PLCG2: variants seen among roughly 807,000 people sequenced by gnomAD.
The protein encoded by PLCG2 is 1-phosphatidylinositol 4,5-bisphosphate phosphodiesterase gamma-2.
Under a neutral mutation model 175.6 loss-of-function variants are expected in PLCG2, and 69 were observed. The observed-to-expected ratio is 0.39, with a 90% CI of 0.32 to 0.48. The LOEUF (loss-of-function observed/expected upper bound fraction) is 0.48, where lower values mean the gene tolerates loss of function less well. Ranked by LOEUF, PLCG2 falls within the 20% of genes least tolerant of loss-of-function variation. The probability of loss-of-function intolerance (pLI) is 0.91; values close to 1 mark genes in which losing one functional copy is unlikely to be tolerated. For missense variants in PLCG2, 1,798 were observed against 1,650.9 expected, an observed-to-expected ratio of 1.09 and a Z score of -1.54; for synonymous variants, 827 against 624.0, an observed-to-expected ratio of 1.33 and a Z score of -4.85.
chr16:81,855,671 A>C (rs1041277649), intron 3 of PLCG2, among the ~76,000 whole-genome samples: 4 of 152,178 alleles, frequency 2.6e-5, no homozygotes, highest in African/African-American at 9.7e-5. Flanking sequence ...GACCTAGTGC[A>C]AGCATGATAC....
At chr16:81,760,370 C>G (rs965483161) in intron 2 of PLCG2, among the ~76,000 whole-genome samples, 2 of 152,154 alleles carry the variant, frequency 1.3e-5, no homozygotes, top group South Asian at 2.1e-4. Context: ...GTTTCTGCCA[C>G]TACCTTTGCC....
At chr16:81,789,912 A>G (rs552477311) in intron 2 of PLCG2, among the ~76,000 whole-genome samples, 74 of 149,166 alleles carry the variant, frequency 5.0e-4, no homozygotes, top group African/African-American at 1.7e-3. Flanking sequence ...GGCGCTAGAG[A>G]TACAGCAGTT....
chr16:81,959,000 T>A lies in PLCG2; in HGVS notation c.*1002T>A, dbSNP rs1432450988. On this transcript the variant is annotated 3_prime_UTR_variant, in exon 33 of 33. Transcript: ENST00000564138. The stretch of plus-strand genomic sequence containing the variant: ...ATGCAGCCATCTCCCTTGGGGCAGA[T>A]CTACCTAGTTCATGACAGTATGTGC... The A allele has an allele frequency of 4.5e-6, 1 of 223,596 alleles. No individual in the cohort carries two copies. The highest frequency in any genetic ancestry group is 8.9e-6 in the Non-Finnish European group (1 of 112,034). The allele number at this position is 223,596 out of a possible 1,614,324, so 13.9% of individuals were successfully genotyped here.
chr16:81,920,550 G>T (rs1910018259), intron 20 of PLCG2, among the ~76,000 whole-genome samples: 1 of 152,236 alleles, frequency 6.6e-6, no homozygotes, highest in South Asian at 2.1e-4. Flanking sequence ...GGGGAGAAAT[G>T]TGAGCCGAAA....
chr16:81,824,036 TTCCTTTCCTTTCCTGTCCTG>T (rs1238319112), intron 2 of PLCG2, among the ~76,000 whole-genome samples: 21 of 63,190 alleles, frequency 3.3e-4, no homozygotes, highest in East Asian at 7.1e-4. Context: ...TTCCTTTCCT[TTCCTTTCCTTTCCTGTCCTG>T]TCCTGTCCTG....
intron 2 of PLCG2, among the ~76,000 whole-genome samples, chr16:81,796,329 C>G (rs551420176): frequency 6.6e-6 from 1 of 152,358 alleles, no homozygotes; most frequent in South Asian, 2.1e-4. Flanking sequence ...TGCAACCTCC[C>G]AAGGATGGAC....
At chr16:81,811,423 A>G (rs746012875) in intron 2 of PLCG2, among the ~76,000 whole-genome samples, 1 of 152,082 alleles carries the variant, frequency 6.6e-6, no homozygotes, top group African/African-American at 2.4e-5. Flanking sequence ...ACCTGAGAAG[A>G]TGATGGATTC....
At chr16:81,818,195 C>G (rs538077714) in intron 2 of PLCG2, among the ~76,000 whole-genome samples, 13 of 152,232 alleles carry the variant, frequency 8.5e-5, no homozygotes, top group African/African-American at 3.1e-4. Flanking sequence ...CTCTGTGCCT[C>G]AGTTTCCTCA....
chr16:81,793,094 G>A (rs891832014), intron 2 of PLCG2, among the ~76,000 whole-genome samples: 2 of 152,158 alleles, frequency 1.3e-5, no homozygotes, highest in Non-Finnish European at 2.9e-5. Context: ...GACCCCCAAG[G>A]CCTGGCCTCT....
chr16:81,821,757 A>C (rs752910331), intron 2 of PLCG2, among the ~76,000 whole-genome samples: 1 of 152,322 alleles, frequency 6.6e-6, no homozygotes, highest in Admixed American at 6.5e-5. Context: ...TTGCCAAGCA[A>C]CTGGGGGCAG....
chr16:81,936,350 G>C lies in PLCG2; in HGVS notation c.3024G>C (p.Gln1008His). The change falls in exon 27 of 33, where the codon CAG (glutamine) becomes CAC (histidine). Residue 1008 changes from glutamine (Q) to histidine (H), a missense_variant. Transcript: ENST00000564138. ...TCCGCCTCTGGCTGTGCGGTTCTCA[G>C]ATGGTGGCACTCAATTTCCAGACGG... is the stretch of plus-strand genomic sequence containing the variant. ...DPFRLWLCGS[Q>H]MVALNFQTAD... 2.5e-6 allele frequency: 4 copies of C among 1,614,058 alleles called. No homozygotes were observed. Among genetic ancestry groups the C allele is most frequent in the African/African-American group, 1.3e-5 (1 of 75,054 alleles).
chr16:81,939,736 G>A (rs1910861286), intron 29 of PLCG2, among the ~76,000 whole-genome samples, 156 bp from the exon 30 acceptor site: 1 of 152,242 alleles, frequency 6.6e-6, no homozygotes, highest in Non-Finnish European at 1.5e-5. Flanking sequence ...GGGTGGGGGA[G>A]TGAAGATAAT....
intron 31 of PLCG2, among the ~76,000 whole-genome samples, chr16:81,956,349 A>G (rs1229405373): frequency 6.6e-6 from 1 of 152,110 alleles, no homozygotes; most frequent in African/African-American, 2.4e-5. Flanking sequence ...AGCTGCTTAG[A>G]CACTTTTGCA....
At position 81,923,576 on chromosome 16, in the gene PLCG2, C is replaced by T; in HGVS notation, c.2399C>T (p.Ser800Phe). The T allele has an allele frequency of 3.1e-6, 5 of 1,611,684 alleles. No homozygotes were observed. The highest frequency in any genetic ancestry group is 4.2e-6 in the Non-Finnish European group (5 of 1,177,978). The change falls in exon 22 of 33, where the codon TCC becomes TTC. Residue 800 changes from serine to phenylalanine, a missense_variant. By Grantham distance (155) the Ser-to-Phe change is radical (BLOSUM62 -2). Coordinates refer to ENST00000564138, the MANE Select transcript of PLCG2 (RefSeq NM_002661.5). ...FCRGALIHNV[S>F]KEPGGWWKGD... is the part of the protein sequence containing the mutation. ...CGTGGTGCCCTCATCCACAATGTCT[C>T]CAAGGAGCCCGGGGGCTGGTAAGGC...
chr16:81,765,934 C>T (rs188872118), intron 2 of PLCG2, among the ~76,000 whole-genome samples: 2 of 152,204 alleles, frequency 1.3e-5, no homozygotes, highest in South Asian at 2.1e-4. Context: ...ACTCTATTGA[C>T]GGGGGACCCA....
At chr16:81,803,539 T>C (rs947013089) in intron 2 of PLCG2, among the ~76,000 whole-genome samples, 41 of 136,256 alleles carry the variant, frequency 3.0e-4, no homozygotes, top group Non-Finnish European at 4.3e-4. Context: ...TTCTTTCTTT[T>C]CTTTCTTTCC....
intron 2 of PLCG2, among the ~76,000 whole-genome samples, chr16:81,850,573 G>A (rs938709864): frequency 6.6e-6 from 1 of 152,150 alleles, no homozygotes; most frequent in Admixed American, 6.5e-5. Flanking sequence ...GGCTTTATTG[G>A]AGCTTATGCC....
intron 13 of PLCG2, among the ~76,000 whole-genome samples, chr16:81,899,813 C>G (rs1597117854): frequency 6.6e-6 from 1 of 152,152 alleles, no homozygotes; most frequent in Non-Finnish European, 1.5e-5. Flanking sequence ...CAGTGTCAGT[C>G]AATAATATAT....
At chr16:81,772,014 C>G (rs968752195) in intron 2 of PLCG2, among the ~76,000 whole-genome samples, 6 of 152,080 alleles carry the variant, frequency 3.9e-5, no homozygotes, top group Non-Finnish European at 7.4e-5. Flanking sequence ...AACTCCTGGC[C>G]TTAAGTGATC....
Sources: gnomAD v4.1 joint callset for allele counts (sites outside exome capture counted in the v4.1 genomes callset) on GRCh38, gnomAD v4.1.1 for gene constraint, MANE v1.5 for transcripts, NCBI Gene and HGNC (gene_info 2026-07-23, HGNC 2026-07-21) for gene names.